PTPRG: variants seen among roughly 807,000 people sequenced by gnomAD.
PTPRG encodes the protein protein tyrosine phosphatase receptor type G.
PTPRG carries 102 observed loss-of-function variants against 165.3 expected under a neutral mutation model. The observed-to-expected ratio is 0.62, with a 90% CI of 0.53 to 0.73. PTPRG has a LOEUF of 0.73. Among genes scored for constraint, PTPRG ranks in the 30% least tolerant of loss-of-function variants. PTPRG has a pLI of 0.00. For missense variants in PTPRG, 1,866 were observed against 1,861.4 expected (o/e 1.00, Z -0.05); for synonymous variants, 675 against 669.5 (o/e 1.01, Z -0.13).
intron 2 of PTPRG, among the ~76,000 whole-genome samples, chr3:61,875,812 C>A (rs544937859): frequency 2.6e-4 from 40 of 152,258 alleles, no homozygotes; most frequent in South Asian, 2.3e-3. Flanking sequence ...TTACTCCCAC[C>A]TTCTGCCTGG....
At chr3:61,579,786 G>A (rs1328371913) in intron 1 of PTPRG, among the ~76,000 whole-genome samples, 1 of 152,210 alleles carries the variant, frequency 6.6e-6, no homozygotes, top group Non-Finnish European at 1.5e-5. Flanking sequence ...GAGGACAGAA[G>A]GCTAACTTAG....
chr3:61,915,549 C>T (rs1048209893), intron 2 of PTPRG, among the ~76,000 whole-genome samples: 3 of 152,146 alleles, frequency 2.0e-5, no homozygotes, highest in Non-Finnish European at 4.4e-5. Flanking sequence ...TTGTCATCAT[C>T]TTATTATTCT....
At position 61,939,928 on chromosome 3, in the gene PTPRG, CTTTTTTTTTTTTTTTTTT is replaced by C. The variant is rs561334410; in HGVS notation, c.191-49678_191-49661del. On this transcript the variant is annotated intron_variant, in intron 2 of 29. Transcript: ENST00000474889. ...TGTCTTGGCTTCCTTACTGACTTGT[CTTTTTTTTTTTTTTTTTT>C]TTTTTTTTTTTTTTTTTTGAGACAG... Among the ~76,000 whole-genome samples the C allele has an allele frequency of 4.9e-3, 192 of 39,140 alleles. 3 individuals are homozygous for C. The highest frequency in any genetic ancestry group is 0.043 in the Middle Eastern group (2 of 46). The allele number at this position is 39,140 out of a possible 152,430, so 25.7% of individuals were successfully genotyped here.
At chr3:61,834,033 T>C (rs1234004544) in intron 2 of PTPRG, among the ~76,000 whole-genome samples, 1 of 152,206 alleles carries the variant, frequency 6.6e-6, no homozygotes, top group Non-Finnish European at 1.5e-5. Context: ...GGAGGTCAGC[T>C]TAGGATTTCA....
chr3:61,829,626 A>G (rs1312216970), intron 2 of PTPRG, among the ~76,000 whole-genome samples: 1 of 152,248 alleles, frequency 6.6e-6, no homozygotes, highest in African/African-American at 2.4e-5. Context: ...ATCACATGAC[A>G]GGTTGTCAGG....
intron 2 of PTPRG, chr3:61,751,195 T>C (rs537666121): frequency 6.6e-6 from 1 of 152,320 alleles, no homozygotes; most frequent in African/African-American, 2.4e-5. Flanking sequence ...TCACAGACAT[T>C]CCTTAGCATT....
chr3:61,812,460 C>A (rs1183049430), intron 2 of PTPRG, among the ~76,000 whole-genome samples: 1 of 152,094 alleles, frequency 6.6e-6, no homozygotes, highest in Non-Finnish European at 1.5e-5. Context: ...TAATGAAAAC[C>A]CACCAGTTTA....
At position 62,222,527 on chromosome 3, in the gene PTPRG, G is replaced by A. The variant is rs960138249; in HGVS notation, c.2288+3544G>A. ...TGTCATTTGTCCATACCCCGGAGTC[G>A]TCTGGTGGCCAAAAGGATGGAACAT... On this transcript the variant is annotated intron_variant, in intron 13 of 29. Transcript: ENST00000474889. This position sits in a 1 kb window ranked among gnomAD's most constrained non-coding sequence, Gnocchi z 4.5. Among the ~76,000 whole-genome samples the A allele has an allele frequency of 3.9e-5, 6 of 152,148 alleles. No homozygotes were observed. The highest frequency in any genetic ancestry group is 1.9e-4 in the East Asian group (1 of 5,198).
chr3:61,686,048 A>C (rs1040903376), intron 1 of PTPRG, among the ~76,000 whole-genome samples: 2 of 152,170 alleles, frequency 1.3e-5, no homozygotes, highest in African/African-American at 4.8e-5. Context: ...CACCGTGAGG[A>C]GCACTTGGTG....
intron 3 of PTPRG, among the ~76,000 whole-genome samples, chr3:61,992,313 A>G (rs1440458762): frequency 6.6e-6 from 1 of 152,120 alleles, no homozygotes; most frequent in Non-Finnish European, 1.5e-5. Flanking sequence ...GGGTGCAGAA[A>G]TCAACTTGTA....
Position 61,562,376 on chromosome 3 carries a change from A to T in PTPRG, c.85+4A>T, listed in dbSNP as rs1338098060. ...CATTATGTCGTGTGCTTCCCCGGTGAGTGCCGGCCGCCGAGGGGATGCGGC... is the reference window on the plus strand; with the variant it reads ...CATTATGTCGTGTGCTTCCCCGGTGTGTGCCGGCCGCCGAGGGGATGCGGC... On this transcript the variant is annotated splice_donor_region_variant and intron_variant, in intron 1 of 29. Coordinates refer to ENST00000474889, the MANE Select transcript of PTPRG (RefSeq NM_002841.4). 1 of 1,612,910 alleles carries T rather than the reference A, an allele frequency of 6.2e-7. No individual in the cohort carries two copies. Among genetic ancestry groups the T allele is most frequent in the South Asian group, 1.1e-5 (1 of 91,044 alleles).
At chr3:62,135,673 A>G (rs1703682622) in intron 6 of PTPRG, among the ~76,000 whole-genome samples, 1 of 152,176 alleles carries the variant, frequency 6.6e-6, no homozygotes, top group East Asian at 1.9e-4. Context: ...TTTGAAGTGC[A>G]AGAAAGATTT....
intron 7 of PTPRG, among the ~76,000 whole-genome samples, chr3:62,164,449 A>C (rs1461839372): frequency 6.6e-6 from 1 of 152,136 alleles, no homozygotes; most frequent in Non-Finnish European, 1.5e-5. Context: ...AAGTTAGAAA[A>C]ATGACAGGGT....
rs566469768 is a variant in PTPRG at position 62,169,761 on chromosome 3, A to G, written c.1033+1598A>G. ...AATAAAGGGAGAGCTTGTGTCATTT[A>G]TCAACACTGGAGGTAGAGTGGGCTA... On this transcript the variant is annotated intron_variant, in intron 8 of 29. Transcript: ENST00000474889. 2.0e-3 allele frequency among the ~76,000 whole-genome samples: 305 copies of G among 152,312 alleles called. 2 individuals carry two copies. The highest frequency in any genetic ancestry group is 3.4e-3 in the Middle Eastern group (1 of 294).
chr3:61,800,686 C>G (rs985414620), intron 2 of PTPRG, among the ~76,000 whole-genome samples: 4 of 151,578 alleles, frequency 2.6e-5, no homozygotes, highest in Admixed American at 2.6e-4. Context: ...TCTTGTTGCC[C>G]AGGCTGGAGT....
intron 2 of PTPRG, among the ~76,000 whole-genome samples, chr3:61,942,282 C>T (rs917724432): frequency 1.3e-5 from 2 of 152,164 alleles, no homozygotes; most frequent in African/African-American, 4.8e-5. Context: ...GCCATCTGTA[C>T]TGCCTTCTAA....
intron 4 of PTPRG, among the ~76,000 whole-genome samples, chr3:62,063,963 T>C (rs149611047): frequency 6.6e-6 from 1 of 152,340 alleles, no homozygotes; most frequent in African/African-American, 2.4e-5. Flanking sequence ...TGTCTGTTGC[T>C]AGGGGCTGAT....
intron 4 of PTPRG, among the ~76,000 whole-genome samples, chr3:62,066,588 C>G (rs972824325): frequency 1.3e-5 from 2 of 152,176 alleles, no homozygotes; most frequent in African/African-American, 4.8e-5. Context: ...GGCCCCTCCC[C>G]CTCCACTGTG....
intron 5 of PTPRG, among the ~76,000 whole-genome samples, chr3:62,128,535 C>CT (rs1337827715): frequency 6.6e-6 from 1 of 151,746 alleles, no homozygotes; most frequent in Non-Finnish European, 1.5e-5. Context: ...GTTAGGTCAA[C>CT]TTGTTGCCCG....
Sources: gnomAD v4.1 joint callset for allele counts (sites outside exome capture counted in the v4.1 genomes callset) on GRCh38, gnomAD v4.1.1 for gene constraint, Gnocchi (gnomAD v3.1) non-coding constraint, MANE v1.5 for transcripts, NCBI Gene and HGNC (gene_info 2026-07-23, HGNC 2026-07-21) for gene names.